The following SAMD12 variants were observed in gnomAD, a reference collection of about 807,000 sequenced individuals.
The protein encoded by SAMD12 is sterile alpha motif domain-containing protein 12.
A neutral mutation model predicts 15.0 loss-of-function variants in SAMD12; 9 were observed. The ratio of observed to expected loss-of-function variants is 0.60; its 90% CI spans 0.36 to 1.05. The LOEUF is 1.05. SAMD12 is among the 50% of genes least tolerant of loss of function. The pLI, the probability that SAMD12 is intolerant of heterozygous loss-of-function variation, is 0.01. For synonymous variants in SAMD12, 86 were observed against 90.1 expected, an observed-to-expected ratio of 0.96 and a Z score of 0.25; for missense variants, 230 against 234.2, an observed-to-expected ratio of 0.98 and a Z score of 0.12.
chr8:118,375,961 T>C (rs117830414), downstream of SAMD12: 1 of 152,338 alleles, frequency 6.6e-6, no homozygotes, highest in East Asian at 1.9e-4. Context: ...TTCTGCACCT[T>C]ACTTTTTTCT....
chr8:118,286,386 T>C (rs2130207039), intron 4 of SAMD12, among the ~76,000 whole-genome samples: 1 of 152,250 alleles, frequency 6.6e-6, no homozygotes, highest in South Asian at 2.1e-4. Context: ...GCAATGCTTG[T>C]TTCTTTGTTG....
chr8:118,268,821 A>G (rs1285954041), intron 4 of SAMD12, among the ~76,000 whole-genome samples: 1 of 152,228 alleles, frequency 6.6e-6, no homozygotes, highest in African/African-American at 2.4e-5. Flanking sequence ...CTCAAAAAAA[A>G]GAACATGCTC....
At chr8:118,409,638 G>A (rs1000000142) in intron 3 of SAMD12, among the ~76,000 whole-genome samples, 2 of 152,128 alleles carry the variant, frequency 1.3e-5, no homozygotes, top group African/African-American at 4.8e-5. Context: ...AAATCCACAG[G>A]CTTAAGGTGA....
intron 4 of SAMD12, among the ~76,000 whole-genome samples, chr8:118,364,204 T>C (rs1818650189): frequency 6.6e-6 from 1 of 152,194 alleles, no homozygotes; most frequent in Admixed American, 6.5e-5. Context: ...CAGGAAATTG[T>C]AGAGTCTCTG....
chr8:118,379,244 C>T lies in SAMD12; in HGVS notation c.*173G>A, dbSNP rs183717283. ...ATTATACAACTCTAGTGAGTGCAAT[C>T]GTACCCTGATTGATGTGACTGGTAT... On this transcript the variant is annotated 3_prime_UTR_variant, in exon 4 of 4. Transcript: ENST00000314727. The T allele has an allele frequency of 7.1e-5, 101 of 1,428,666 alleles. No homozygotes were observed. The highest frequency in any genetic ancestry group is 1.9e-4 in the African/African-American group (13 of 69,638). The allele number at this position is 1,428,666 out of a possible 1,614,324, so 88.5% of individuals were successfully genotyped here.
chr8:118,344,811 T>A (rs1817553155), intron 4 of SAMD12, among the ~76,000 whole-genome samples: 1 of 152,188 alleles, frequency 6.6e-6, no homozygotes, highest in African/African-American at 2.4e-5. Flanking sequence ...ACATGCCACA[T>A]AATGACATTT....
chr8:118,236,820 A>T (rs904590772), intron 4 of SAMD12, among the ~76,000 whole-genome samples: 5 of 152,188 alleles, frequency 3.3e-5, no homozygotes, highest in Admixed American at 3.3e-4. Context: ...AACAGAAACA[A>T]CAGAAACTCG....
chr8:118,523,043 C>G (rs545479269), intron 2 of SAMD12, among the ~76,000 whole-genome samples: 2 of 152,138 alleles, frequency 1.3e-5, no homozygotes, highest in African/African-American at 2.4e-5. Context: ...ACAAAATGTA[C>G]TTTTTAGATA....
chr8:118,463,749 T>C (rs1823504468), intron 2 of SAMD12, among the ~76,000 whole-genome samples: 1 of 152,020 alleles, frequency 6.6e-6, no homozygotes, highest in African/African-American at 2.4e-5. Flanking sequence ...TCCCACACGC[T>C]TGGCCTGGGT....
chr8:118,333,365 C>T (rs1056008942), intron 4 of SAMD12, among the ~76,000 whole-genome samples: 3 of 152,106 alleles, frequency 2.0e-5, no homozygotes, highest in Non-Finnish European at 4.4e-5. Flanking sequence ...CTTCCTACAC[C>T]AAGTTCTACC....
intron 3 of SAMD12, chr8:118,400,475 T>C (rs1264416362): frequency 6.6e-6 from 1 of 152,204 alleles, no homozygotes; most frequent in Admixed American, 6.5e-5. Flanking sequence ...AACAGAGTAA[T>C]TCACTGATCT....
chr8:118,533,555 T>C (rs1301349740), intron 2 of SAMD12, among the ~76,000 whole-genome samples: 1 of 152,170 alleles, frequency 6.6e-6, no homozygotes, highest in African/African-American at 2.4e-5. Flanking sequence ...AAGTCTCCCA[T>C]TATTATTGTG....
intron 4 of SAMD12, among the ~76,000 whole-genome samples, chr8:118,295,236 G>A (rs1235490267): frequency 6.6e-6 from 1 of 152,122 alleles, no homozygotes; most frequent in Non-Finnish European, 1.5e-5. Flanking sequence ...TGTTTGAGCT[G>A]CAAATTATTG....
intron 2 of SAMD12, among the ~76,000 whole-genome samples, chr8:118,465,591 T>A (rs1015316862): frequency 1.2e-4 from 18 of 152,208 alleles, no homozygotes; most frequent in Non-Finnish European, 2.9e-5. Flanking sequence ...AGATTTCTCA[T>A]GACCCTGTCA....
intron 4 of SAMD12, among the ~76,000 whole-genome samples, chr8:118,274,725 G>A (rs1813434443): frequency 6.6e-6 from 1 of 152,180 alleles, no homozygotes; most frequent in African/African-American, 2.4e-5. Context: ...TACAGTATGT[G>A]TATTCTGTGA....
chr8:118,416,908 GT>G (rs34411266), intron 3 of SAMD12, among the ~76,000 whole-genome samples: 10 of 151,454 alleles, frequency 6.6e-5, no homozygotes, highest in Admixed American at 1.3e-4. Flanking sequence ...ATTCCAGAGG[GT>G]TTTTTTTTCC....
At chr8:118,139,966 C>A in the SAMD12 span, among the ~76,000 whole-genome samples, 1 of 152,178 alleles carries the variant, frequency 6.6e-6, no homozygotes, top group African/African-American at 2.4e-5. Context: ...CTGGAAGGCG[C>A]TGGACTTCCT....
Position 118,431,672 on chromosome 8 carries a change from A to C in SAMD12, c.322+8160T>G, listed in dbSNP as rs190091558. On this transcript the variant is annotated intron_variant, in intron 3 of 3. Transcript: ENST00000314727. ...TGTTTTTAAAATCTGACTCCTTTCA[A>C]AATTTTACCTTTGTCGTGTGTGTGT... Among the ~76,000 whole-genome samples, 318 of 147,758 alleles carry C rather than the reference A, an allele frequency of 2.2e-3. 2 individuals carry two copies. Among genetic ancestry groups the C allele is most frequent in the Middle Eastern group, 6.9e-3 (2 of 288 alleles).
At chr8:118,309,382 G>A (rs1027535110) in intron 4 of SAMD12, among the ~76,000 whole-genome samples, 6 of 144,158 alleles carry the variant, frequency 4.2e-5, no homozygotes, top group Non-Finnish European at 7.5e-5. Context: ...AGATATATAT[G>A]TGTGTGTGTG....
Sources: allele counts gnomAD v4.1 joint callset (sites outside exome capture counted in the v4.1 genomes callset), GRCh38; gene constraint gnomAD v4.1.1; transcripts MANE v1.5; gene names NCBI Gene and HGNC (gene_info 2026-07-23, HGNC 2026-07-21).